ARHGAP8: variants seen among roughly 807,000 people sequenced by gnomAD.
ARHGAP8 encodes the protein rho GTPase-activating protein 8.
ARHGAP8 carries 62 observed loss-of-function variants against 46.1 expected under a neutral mutation model. The ratio of observed to expected loss-of-function variants is 1.34; its 90% CI spans 1.10 to 1.66. The LOEUF is 1.66. Ranked by LOEUF, ARHGAP8 falls within the 40% of genes most tolerant of loss-of-function variation. The pLI, the probability that ARHGAP8 is intolerant of heterozygous loss-of-function variation, is 0.00. For missense variants in ARHGAP8, 923 were observed against 568.4 expected, an observed-to-expected ratio of 1.62 and a Z score of -6.34; for synonymous variants, 375 against 243.1, an observed-to-expected ratio of 1.54 and a Z score of -5.05.
At chr22:44,792,031 T>A (rs562876196) in intron 2 of ARHGAP8, among the ~76,000 whole-genome samples, 1 of 151,234 alleles carries the variant, frequency 6.6e-6, no homozygotes, top group African/African-American at 2.4e-5. Context: ...CTTTTTTTTT[T>A]AGATGGAGTC....
chr22:44,822,381 G>GT lies in ARHGAP8; in HGVS notation c.397_398insT (p.Gly133ValfsTer12). 1 of 1,578,698 alleles carries GT rather than the reference G, an allele frequency of 6.3e-7. No homozygotes were observed. The highest frequency in any genetic ancestry group is 8.6e-7 in the Non-Finnish European group (1 of 1,167,622). On this transcript the variant is annotated frameshift_variant, in exon 6 of 12. Coordinates refer to ENST00000356099, the MANE Select transcript of ARHGAP8 (RefSeq NM_181335.3). LOFTEE classifies it high-confidence loss of function. Reference sequence around the variant, plus strand: ...CTTCTGCTTTCTTAGTCACAAGTTTGGGAAGAAAGTCATCTATTTCAACTA... The same window carrying GT: ...CTTCTGCTTTCTTAGTCACAAGTTTGTGGAAGAAAGTCATCTATTTCAACTA...
intron 7 of ARHGAP8, among the ~76,000 whole-genome samples, chr22:44,840,214 C>G (rs572581826): frequency 1.3e-5 from 2 of 152,224 alleles, no homozygotes; most frequent in Non-Finnish European, 2.9e-5. Context: ...GGACCTGTGG[C>G]TGCTGTCACA....
At chr22:44,793,914 C>T (rs549326840) in intron 2 of ARHGAP8, among the ~76,000 whole-genome samples, 1 of 152,198 alleles carries the variant, frequency 6.6e-6, no homozygotes, top group South Asian at 2.1e-4. Flanking sequence ...AACACAGATG[C>T]GGCATTGATG....
intron 7 of ARHGAP8, among the ~76,000 whole-genome samples, chr22:44,834,180 G>A (rs1931138202): frequency 6.6e-6 from 1 of 151,746 alleles, no homozygotes. Context: ...TCTTCCTTCT[G>A]CCTGTGTCAG....
At chr22:44,780,080 G>A (rs761559870) in intron 1 of ARHGAP8, among the ~76,000 whole-genome samples, 5 of 152,172 alleles carry the variant, frequency 3.3e-5, no homozygotes, top group African/African-American at 4.8e-5. Context: ...GGAGCTGGCC[G>A]GCATAGCTAA....
chr22:44,762,523 A>G (rs1244656911), intron 1 of ARHGAP8, among the ~76,000 whole-genome samples: 1 of 147,682 alleles, frequency 6.8e-6, no homozygotes, highest in Non-Finnish European at 1.5e-5. Flanking sequence ...TTTGTTACTC[A>G]TTATGAACTC....
intron 1 of ARHGAP8, among the ~76,000 whole-genome samples, chr22:44,756,515 C>T (rs1053799668): frequency 6.6e-6 from 1 of 151,980 alleles, no homozygotes; most frequent in Admixed American, 6.6e-5. Flanking sequence ...TACAATGAGC[C>T]GCCATCTCCC....
chr22:44,857,198 TGA>T (rs1023484300), intron 10 of ARHGAP8, among the ~76,000 whole-genome samples: 1 of 110,342 alleles, frequency 9.1e-6, no homozygotes, highest in Non-Finnish European at 1.9e-5. Context: ...CCTCGGCCTC[TGA>T]AAGTGCTGGT....
intron 1 of ARHGAP8, among the ~76,000 whole-genome samples, chr22:44,781,545 C>T (rs528131602): frequency 3.9e-5 from 6 of 152,094 alleles, no homozygotes; most frequent in East Asian, 1.9e-4. Flanking sequence ...ATTTTTGAGA[C>T]AGAGTTTCAC....
chr22:44,847,851 CAAAT>C lies in ARHGAP8; in HGVS notation c.671-117_671-114del, dbSNP rs558980733. On this transcript the variant is annotated intron_variant, in intron 8 of 11. Coordinates refer to ENST00000356099, the MANE Select transcript of ARHGAP8 (RefSeq NM_181335.3). ...GGGAATATGGAAAGGATTTGAGGAA[CAAAT>C]AAATGTGTGGAGGCCAGCCACAGGT... The C allele has an allele frequency of 1.3e-4, 169 of 1,283,764 alleles. 1 individual carries two copies. The African/African-American group carries it at 2.2e-3, about 17-fold the overall frequency. 79.5% of individuals were successfully genotyped at this position (1,283,764 alleles called of 1,614,324 possible).
intron 10 of ARHGAP8, among the ~76,000 whole-genome samples, chr22:44,857,516 C>T (rs1333226370): frequency 1.3e-5 from 2 of 152,210 alleles, no homozygotes; most frequent in Middle Eastern, 3.4e-3. Flanking sequence ...AAACGAAGGC[C>T]CAGAGATCCA....
intron 1 of ARHGAP8, among the ~76,000 whole-genome samples, chr22:44,754,920 A>G (rs968919752): frequency 1.7e-4 from 26 of 152,250 alleles, no homozygotes; most frequent in Admixed American, 1.5e-3. Flanking sequence ...CACAGGCAGC[A>G]TGAGGGTGAG....
At chr22:44,821,741 C>T (rs528541769) in intron 5 of ARHGAP8, among the ~76,000 whole-genome samples, 4 of 152,350 alleles carry the variant, frequency 2.6e-5, no homozygotes, top group African/African-American at 9.6e-5. Flanking sequence ...AGAACCCCCA[C>T]TTTCAGACCC....
intron 3 of ARHGAP8, among the ~76,000 whole-genome samples, chr22:44,803,661 A>ACACACCCCATCCCG (rs1928721511): frequency 1.3e-4 from 4 of 30,254 alleles, no homozygotes; most frequent in Non-Finnish European, 2.2e-4. Context: ...ACCCCCTCCC[A>ACACACCCCATCCCG]TGCACACACC....
Position 44,802,119 on chromosome 22 carries a change from G to A in ARHGAP8, c.122G>A (p.Cys41Tyr). The change falls in exon 3 of 12, where the codon TGC (cysteine) becomes TAC (tyrosine). Residue 41 changes from cysteine (C) to tyrosine (Y), a missense_variant. Transcript: ENST00000356099. ...FGRRVVTFSC[C>Y]RMPPSHELDH... ...AGACGTGTTGTCACGTTCAGCTGCT[G>A]CCGGATGCCACCCTCCCACGAGCTG... The A allele has an allele frequency of 6.2e-7, 1 of 1,614,168 alleles. No individual in the cohort carries two copies. Among genetic ancestry groups the A allele is most frequent in the Non-Finnish European group, 8.5e-7 (1 of 1,180,002 alleles).
chr22:44,830,714 T>C (rs2147132796), intron 7 of ARHGAP8, among the ~76,000 whole-genome samples: 1 of 152,046 alleles, frequency 6.6e-6, no homozygotes, highest in Admixed American at 6.5e-5. Context: ...TTTTTTTGTA[T>C]TTTTAATAGA....
At chr22:44,825,708 C>A (rs573854091) in intron 7 of ARHGAP8, 115 bp downstream of exon 7, 6 of 1,255,654 alleles carry the variant, frequency 4.8e-6, no homozygotes, top group Non-Finnish European at 6.5e-6. Context: ...CCAAGCTGAA[C>A]CCTGCAGGAA....
chr22:44,758,591 G>A (rs1329369452), intron 1 of ARHGAP8, among the ~76,000 whole-genome samples: 2 of 151,944 alleles, frequency 1.3e-5, no homozygotes, highest in Non-Finnish European at 2.9e-5. Context: ...CACTTACTTT[G>A]TGCAGGGCTG....
intron 10 of ARHGAP8, among the ~76,000 whole-genome samples, chr22:44,855,459 C>T (rs116240127): frequency 0.013 from 2,010 of 152,294 alleles, 52 homozygotes; most frequent in African/African-American, 0.047. Context: ...GCCACTATGC[C>T]TGGCCACAAA....
Sources: gnomAD v4.1 joint callset for allele counts (sites outside exome capture counted in the v4.1 genomes callset) on GRCh38, gnomAD v4.1.1 for gene constraint, MANE v1.5 for transcripts, NCBI Gene and HGNC (gene_info 2026-07-23, HGNC 2026-07-21) for gene names.